SCHIP1: variants seen among roughly 807,000 people sequenced by gnomAD.
The protein encoded by SCHIP1 is schwannomin interacting protein 1.
A neutral mutation model predicts 29.7 loss-of-function variants in SCHIP1; 8 were observed. The observed-to-expected ratio is 0.27, with a 90% CI of 0.16 to 0.49. The LOEUF (loss-of-function observed/expected upper bound fraction) is 0.49. SCHIP1 is among the 20% of genes least tolerant of loss of function. SCHIP1 has a pLI of 0.99. For synonymous variants in SCHIP1, 76 were observed against 94.9 expected (o/e 0.80, Z 1.16); for missense variants, 193 against 294.6 (o/e 0.66, Z 2.52).
At chr3:159,395,781 A>C in the SCHIP1 span, among the ~76,000 whole-genome samples, 338 of 151,698 alleles carry the variant, frequency 2.2e-3, no homozygotes, top group African/African-American at 7.4e-3. Context: ...TGGTGCTGAA[A>C]AAAATGTATA....
the SCHIP1 span, among the ~76,000 whole-genome samples, chr3:159,770,458 C>CAA: frequency 6.6e-6 from 1 of 152,142 alleles, no homozygotes; most frequent in African/African-American, 2.4e-5. Context: ...GGGGTGTCAC[C>CAA]ATGTTGGTCA....
At chr3:159,545,234 T>C in the SCHIP1 span, among the ~76,000 whole-genome samples, 2 of 152,150 alleles carry the variant, frequency 1.3e-5, no homozygotes, top group East Asian at 3.9e-4. Context: ...GGATACAAAG[T>C]ATTGATCATT....
the SCHIP1 span, among the ~76,000 whole-genome samples, chr3:159,626,113 G>T: frequency 0.021 from 2,430 of 115,846 alleles, 224 homozygotes; most frequent in African/African-American, 0.13. Context: ...TAGATAGATA[G>T]ATAGATAGAT....
chr3:159,577,220 T>A, the SCHIP1 span, among the ~76,000 whole-genome samples: 2 of 151,918 alleles, frequency 1.3e-5, no homozygotes, highest in Non-Finnish European at 2.9e-5. Flanking sequence ...ATTTGTCAAA[T>A]CCTCCCCTGA....
At chr3:159,645,432 A>G in the SCHIP1 span, among the ~76,000 whole-genome samples, 1 of 152,178 alleles carries the variant, frequency 6.6e-6, no homozygotes, top group Non-Finnish European at 1.5e-5. Context: ...AGACAACTCA[A>G]AAGGTTCTTC....
the SCHIP1 span, among the ~76,000 whole-genome samples, chr3:159,691,807 T>A: frequency 6.6e-6 from 1 of 152,154 alleles, no homozygotes; most frequent in Admixed American, 6.5e-5. Flanking sequence ...GGTGACAAAA[T>A]CCCTCAGCAT....
chr3:159,487,277 G>T, the SCHIP1 span, among the ~76,000 whole-genome samples: 1 of 152,126 alleles, frequency 6.6e-6, no homozygotes, highest in Non-Finnish European at 1.5e-5. Flanking sequence ...CAGTTTCATT[G>T]CTTCAGTTCG....
At chr3:159,838,717 C>T (rs1452463853), upstream of SCHIP1, among the ~76,000 whole-genome samples, 1 of 149,486 alleles carries the variant, frequency 6.7e-6, no homozygotes, top group African/African-American at 2.5e-5. Context: ...GGTGAAACCC[C>T]GTCTCTACCA....
chr3:159,774,416 ATATC>A, the SCHIP1 span, among the ~76,000 whole-genome samples: 1 of 152,200 alleles, frequency 6.6e-6, no homozygotes. Context: ...CCCTTTATAT[ATATC>A]TGTTAAATAA....
At chr3:159,532,884 TC>T in the SCHIP1 span, among the ~76,000 whole-genome samples, 2 of 152,168 alleles carry the variant, frequency 1.3e-5, no homozygotes, top group Non-Finnish European at 2.9e-5. Context: ...GAGCTGTAAG[TC>T]CCAAAACAAA....
chr3:159,313,057 T>C, the SCHIP1 span, among the ~76,000 whole-genome samples: 2,454 of 152,342 alleles, frequency 0.016, 55 homozygotes, highest in African/African-American at 0.056. Flanking sequence ...CTATTAAATC[T>C]GTTTGGTCTC....
chr3:159,695,497 G>T, the SCHIP1 span, among the ~76,000 whole-genome samples: 8 of 152,056 alleles, frequency 5.3e-5, no homozygotes, highest in African/African-American at 1.9e-4. Context: ...CTCATACCTG[G>T]TTACTTTTTT....
the SCHIP1 span, among the ~76,000 whole-genome samples, chr3:159,443,445 C>T: frequency 1.3e-5 from 2 of 152,132 alleles, no homozygotes; most frequent in Non-Finnish European, 2.9e-5. Flanking sequence ...GCAGTAATTT[C>T]AAGGTGAAGT....
At chr3:159,764,853 G>T in the SCHIP1 span, 2 of 1,592,394 alleles carry the variant, frequency 1.3e-6, no homozygotes, top group African/African-American at 2.7e-5. The surrounding 1 kb of genome is among the most constrained non-coding windows in gnomAD (Gnocchi z 6.1). Context: ...ACGACCCCCA[G>T]GACCTCAGGC....
chr3:159,584,103 C>A, the SCHIP1 span, among the ~76,000 whole-genome samples: 7 of 152,336 alleles, frequency 4.6e-5, no homozygotes, highest in Middle Eastern at 6.8e-3. Context: ...ATTCTCCCCA[C>A]TATCTCTTCA....
At chr3:159,839,636 T>C (rs895931500), upstream of SCHIP1, among the ~76,000 whole-genome samples, 95 of 133,028 alleles carry the variant, frequency 7.1e-4, no homozygotes, top group African/African-American at 2.6e-3. Context: ...TTCTTTTTTT[T>C]TTTTTTTTTT....
chr3:159,531,706 G>A, the SCHIP1 span, among the ~76,000 whole-genome samples: 1 of 152,198 alleles, frequency 6.6e-6, no homozygotes, highest in East Asian at 1.9e-4. Context: ...CCTTGCCTAA[G>A]AGCAAAGATT....
chr3:159,742,818 C>T, the SCHIP1 span, among the ~76,000 whole-genome samples: 3 of 151,324 alleles, frequency 2.0e-5, no homozygotes, highest in Non-Finnish European at 4.4e-5. Flanking sequence ...CAGGTGCCTG[C>T]CACCACGCCT....
At chr3:159,805,030 A>T in the SCHIP1 span, among the ~76,000 whole-genome samples, 1 of 152,130 alleles carries the variant, frequency 6.6e-6, no homozygotes, top group African/African-American at 2.4e-5. Flanking sequence ...CCTCAATCTC[A>T]TTGGCCCAAA....
Sources: allele counts gnomAD v4.1 joint callset (sites outside exome capture counted in the v4.1 genomes callset), GRCh38; gene constraint gnomAD v4.1.1; non-coding constraint Gnocchi (gnomAD v3.1); transcripts MANE v1.5; gene names NCBI Gene and HGNC (gene_info 2026-07-23, HGNC 2026-07-21).